WASF3: variants seen among roughly 807,000 people sequenced by gnomAD.
The protein encoded by WASF3 is WASP family member 3, also known as actin-binding protein WASF3.
Under a neutral mutation model 46.6 loss-of-function variants are expected in WASF3, and 11 were observed. That is an observed-to-expected ratio of 0.24 (90% CI 0.15 to 0.39). The LOEUF (loss-of-function observed/expected upper bound fraction) is 0.39. Ranked by LOEUF, WASF3 falls within the 10% of genes least tolerant of loss-of-function variation. The pLI, the probability that WASF3 is intolerant of heterozygous loss-of-function variation, is 1.00. For synonymous variants in WASF3, 242 were observed against 259.7 expected, an observed-to-expected ratio of 0.93 and a Z score of 0.65; for missense variants, 576 against 669.8, an observed-to-expected ratio of 0.86 and a Z score of 1.55.
At chr13:26,604,026 C>T (rs1206331575) in intron 1 of WASF3, among the ~76,000 whole-genome samples, 1 of 152,150 alleles carries the variant, frequency 6.6e-6, no homozygotes, top group East Asian at 1.9e-4. Flanking sequence ...TGTGGTCCTG[C>T]AGCCATAGTG....
chr13:26,666,234 T>G (rs1311360461), intron 4 of WASF3, among the ~76,000 whole-genome samples: 1 of 152,220 alleles, frequency 6.6e-6, no homozygotes, highest in Non-Finnish European at 1.5e-5. Flanking sequence ...TTCTTAACAT[T>G]TTAAACCAAT....
intron 6 of WASF3, among the ~76,000 whole-genome samples, chr13:26,676,016 G>C (rs184506963): frequency 5.6e-4 from 86 of 152,278 alleles, no homozygotes; most frequent in African/African-American, 2.0e-3. Context: ...GAAGAATGGT[G>C]CTTTTTATGA....
chr13:26,602,829 T>C (rs1880681250), intron 1 of WASF3, among the ~76,000 whole-genome samples: 1 of 152,250 alleles, frequency 6.6e-6, no homozygotes, highest in Non-Finnish European at 1.5e-5. Flanking sequence ...TATTTCTATT[T>C]GATAATGTAC....
chr13:26,627,477 G>A (rs959599232), intron 2 of WASF3, among the ~76,000 whole-genome samples: 1 of 151,970 alleles, frequency 6.6e-6, no homozygotes, highest in African/African-American at 2.4e-5. Flanking sequence ...CTGGTTCTTT[G>A]TTTTGGTTTT....
At chr13:26,675,079 T>C (rs970727797) in intron 6 of WASF3, among the ~76,000 whole-genome samples, 1 of 152,168 alleles carries the variant, frequency 6.6e-6, no homozygotes, top group African/African-American at 2.4e-5. Context: ...CCACCTGCTG[T>C]TCTTTCACCC....
At chr13:26,559,808 CTTTTTTT>C (rs770616922) in intron 1 of WASF3, among the ~76,000 whole-genome samples, 33 of 73,428 alleles carry the variant, frequency 4.5e-4, no homozygotes, top group African/African-American at 1.4e-3. Context: ...TTCTTTCTTT[CTTTTTTT>C]TTTTTTTTTT....
intron 1 of WASF3, among the ~76,000 whole-genome samples, chr13:26,563,139 A>G (rs1157855220): frequency 6.6e-6 from 1 of 151,362 alleles, no homozygotes; most frequent in Non-Finnish European, 1.5e-5. Context: ...TTCTGACAGA[A>G]TACTCTCTCC....
In WASF3 at chr13:26,596,531, A is replaced by G. The variant is rs147083715; in HGVS notation, c.-108-16430A>G. On this transcript the variant is annotated intron_variant, in intron 1 of 9. Coordinates refer to ENST00000335327, the MANE Select transcript of WASF3 (RefSeq NM_006646.6). Reference sequence around the variant, plus strand: ...CTTATTGCAGTTTTCTGCAAGTCATATGTCTCATTTTCCTCTGGTTGCTTT... The same window carrying G: ...CTTATTGCAGTTTTCTGCAAGTCATGTGTCTCATTTTCCTCTGGTTGCTTT... Among the ~76,000 whole-genome samples, 18 of 151,870 alleles carry G rather than the reference A, an allele frequency of 1.2e-4. No individual in the cohort carries two copies. The East Asian group carries it at 3.5e-3, about 29-fold the overall frequency.
At chr13:26,601,232 A>G (rs1003152817) in intron 1 of WASF3, among the ~76,000 whole-genome samples, 3 of 152,188 alleles carry the variant, frequency 2.0e-5, no homozygotes, top group Non-Finnish European at 2.9e-5. Context: ...ATGGAATTCC[A>G]TTTATCTCAG....
At chr13:26,623,566 C>T (rs936268055) in intron 2 of WASF3, among the ~76,000 whole-genome samples, 4 of 152,200 alleles carry the variant, frequency 2.6e-5, no homozygotes, top group Non-Finnish European at 5.9e-5. Flanking sequence ...GCAAAGTTCT[C>T]TTTCTGCTGC....
At chr13:26,589,505 G>T (rs1880227633) in intron 1 of WASF3, among the ~76,000 whole-genome samples, 2 of 152,218 alleles carry the variant, frequency 1.3e-5, no homozygotes, top group African/African-American at 4.8e-5. Context: ...GAGGTTTAGT[G>T]ATGCAAGCCT....
intron 1 of WASF3, among the ~76,000 whole-genome samples, chr13:26,598,115 T>A (rs1880530482): frequency 6.6e-6 from 1 of 152,178 alleles, no homozygotes; most frequent in Non-Finnish European, 1.5e-5. Context: ...CTCCACATCC[T>A]CTCCAGCACC....
intron 3 of WASF3, among the ~76,000 whole-genome samples, chr13:26,646,129 A>G (rs1032591513): frequency 3.9e-5 from 6 of 152,246 alleles, no homozygotes; most frequent in African/African-American, 1.2e-4. Context: ...ACAACCTGCT[A>G]CAAGACAACA....
rs371623823 is a variant in WASF3 at position 26,681,255 on chromosome 13, C to G, written c.918C>G (p.Pro306=). 4.3e-4 allele frequency: 688 copies of G among 1,613,342 alleles called. 2 individuals are homozygous for G. The highest frequency in any genetic ancestry group is 4.8e-4 in the South Asian group (44 of 90,986). ...TCAACAGACCTCAGCAGCCGCCCCCCCCGCCTCCCCCTCAGGCCCCAGAGG... is the reference window on the plus strand; with the variant it reads ...TCAACAGACCTCAGCAGCCGCCCCCGCCGCCTCCCCCTCAGGCCCCAGAGG... ...MALNRPQQPP[P]PPPPQAPEGS... The change falls in exon 8 of 10, where the codon CCC becomes CCG. Residue 306 remains proline, a synonymous_variant. Coordinates refer to ENST00000335327, the MANE Select transcript of WASF3 (RefSeq NM_006646.6).
At chr13:26,645,825 A>G (rs1882133866) in intron 3 of WASF3, among the ~76,000 whole-genome samples, 1 of 152,186 alleles carries the variant, frequency 6.6e-6, no homozygotes, top group Non-Finnish European at 1.5e-5. Context: ...GTTATGAAAA[A>G]TTTATTGAGG....
At chr13:26,626,827 A>G (rs184619325) in intron 2 of WASF3, among the ~76,000 whole-genome samples, 2 of 152,316 alleles carry the variant, frequency 1.3e-5, no homozygotes, top group African/African-American at 4.8e-5. Flanking sequence ...AATCTTAAAT[A>G]TGTGGCTACA....
intron 3 of WASF3, among the ~76,000 whole-genome samples, chr13:26,655,691 T>A (rs1184250291): frequency 6.6e-6 from 1 of 152,218 alleles, no homozygotes; most frequent in Non-Finnish European, 1.5e-5. Context: ...CTGCTGCAAA[T>A]GCTTTCATTT....
At chr13:26,641,512 G>A (rs1199585462) in intron 2 of WASF3, 2 of 152,238 alleles carry the variant, frequency 1.3e-5, no homozygotes, top group African/African-American at 4.8e-5. Context: ...CTATAGCTCA[G>A]GAGATGGAGA....
intron 3 of WASF3, among the ~76,000 whole-genome samples, chr13:26,661,979 G>A (rs946109044): frequency 1.3e-5 from 2 of 152,180 alleles, no homozygotes; most frequent in African/African-American, 2.4e-5. Flanking sequence ...GAGGAAGGGG[G>A]TGCCCATGCC....
Sources: gnomAD v4.1 joint callset for allele counts (sites outside exome capture counted in the v4.1 genomes callset) on GRCh38, gnomAD v4.1.1 for gene constraint, MANE v1.5 for transcripts, NCBI Gene and HGNC (gene_info 2026-07-23, HGNC 2026-07-21) for gene names.